Variants in SLCO6A1 observed in about 807,000 individuals in gnomAD.
SLCO6A1 encodes the protein solute carrier organic anion transporter family member 6A1.
SLCO6A1 carries 65 observed loss-of-function variants against 72.7 expected under a neutral mutation model. The observed-to-expected ratio is 0.89, with a 90% CI of 0.73 to 1.10. The LOEUF (loss-of-function observed/expected upper bound fraction) is 1.10, where lower values mean the gene tolerates loss of function less well. Ranked by LOEUF, SLCO6A1 falls within the 50% of genes least tolerant of loss-of-function variation. The probability of loss-of-function intolerance (pLI) is 0.00; values close to 1 mark genes in which losing one functional copy is unlikely to be tolerated. For synonymous variants in SLCO6A1, 314 were observed against 298.2 expected (o/e 1.05, Z -0.55); for missense variants, 874 against 872.6 (o/e 1.00, Z -0.02).
chr5:102,443,416 C>T (rs1749948631), intron 6 of SLCO6A1, among the ~76,000 whole-genome samples: 1 of 152,042 alleles, frequency 6.6e-6, no homozygotes, highest in South Asian at 2.1e-4. Flanking sequence ...GTTTGAGTTT[C>T]CCACTCTTCC....
At chr5:102,376,403 G>T (rs1311985170) in intron 12 of SLCO6A1, among the ~76,000 whole-genome samples, 1 of 151,902 alleles carries the variant, frequency 6.6e-6, no homozygotes, top group Non-Finnish European at 1.5e-5. Context: ...TAATATTAAA[G>T]ACAAGATAGA....
chr5:102,428,711 T>C (rs1471261973), intron 7 of SLCO6A1, among the ~76,000 whole-genome samples: 1 of 152,200 alleles, frequency 6.6e-6, no homozygotes, highest in Non-Finnish European at 1.5e-5. Context: ...TATAGGTTCT[T>C]ATTTAGCTTC....
At chr5:102,454,061 T>C (rs778414852) in intron 6 of SLCO6A1, among the ~76,000 whole-genome samples, 5 of 152,196 alleles carry the variant, frequency 3.3e-5, no homozygotes, top group Non-Finnish European at 7.3e-5. Context: ...ATATATCTTT[T>C]ACATTTTTGG....
intron 7 of SLCO6A1, among the ~76,000 whole-genome samples, chr5:102,438,153 C>T (rs539686628): frequency 6.6e-6 from 1 of 151,936 alleles, no homozygotes; most frequent in South Asian, 2.1e-4. Context: ...CAATAGTATA[C>T]TCATAAAATA....
At chr5:102,465,269 T>G (rs1002646345) in intron 4 of SLCO6A1, among the ~76,000 whole-genome samples, 1 of 151,866 alleles carries the variant, frequency 6.6e-6, no homozygotes. Context: ...GGCTTAATAA[T>G]AACCCCAGGA....
At chr5:102,429,366 A>C (rs142017599) in intron 7 of SLCO6A1, among the ~76,000 whole-genome samples, 1 of 152,248 alleles carries the variant, frequency 6.6e-6, no homozygotes, top group East Asian at 1.9e-4. Flanking sequence ...TCTACGTCCT[A>C]AAATCTTTGC....
chr5:102,456,873 A>G (rs1311719602), intron 6 of SLCO6A1, among the ~76,000 whole-genome samples: 1 of 152,226 alleles, frequency 6.6e-6, no homozygotes, highest in Non-Finnish European at 1.5e-5. Flanking sequence ...CTACAGTACC[A>G]AAACAGCATG....
In SLCO6A1 at chr5:102,466,485, A is replaced by G. The variant is rs554704633; in HGVS notation, c.900-6708T>C. Among the ~76,000 whole-genome samples, 57 of 152,164 alleles carry G rather than the reference A, an allele frequency of 3.7e-4. 1 individual carries two copies. The highest frequency in any genetic ancestry group is 5.8e-4 in the East Asian group (3 of 5,174). On this transcript the variant is annotated intron_variant, in intron 4 of 13. Coordinates refer to ENST00000506729, the MANE Select transcript of SLCO6A1 (RefSeq NM_173488.5). ...TATTGTGAATAATGCTGCAATGATCATATGTGTGCATGTGTCTTTATAACT... is the reference window on the plus strand; with the variant it reads ...TATTGTGAATAATGCTGCAATGATCGTATGTGTGCATGTGTCTTTATAACT...
chr5:102,429,321 G>A (rs1030779866), intron 7 of SLCO6A1, among the ~76,000 whole-genome samples: 1 of 152,112 alleles, frequency 6.6e-6, no homozygotes, highest in African/African-American at 2.4e-5. Context: ...GATCCCATTT[G>A]TAAACTTTTA....
At chr5:102,454,403 A>G (rs1336989679) in intron 6 of SLCO6A1, among the ~76,000 whole-genome samples, 1 of 152,256 alleles carries the variant, frequency 6.6e-6, no homozygotes, top group Non-Finnish European at 1.5e-5. Context: ...CAGAGTTTCA[A>G]AATAGTTGTT....
intron 7 of SLCO6A1, among the ~76,000 whole-genome samples, chr5:102,424,517 C>T (rs953101618): frequency 1.3e-5 from 2 of 152,102 alleles, no homozygotes; most frequent in African/African-American, 2.4e-5. Context: ...AGTAGAAAAT[C>T]GAGAATAAAC....
rs889436160 is a variant in SLCO6A1 at position 102,463,677 on chromosome 5, G to A, written c.900-3900C>T. 2.6e-5 allele frequency among the ~76,000 whole-genome samples: 4 copies of A among 151,908 alleles called. 1 individual carries two copies. Among genetic ancestry groups the A allele is most frequent in the Admixed American group, 6.6e-5 (1 of 15,258 alleles). ...CGAGGCGGGGGGATCACCTGAGCTC[G>A]GGAGTTCAAGACCAGCCTGACCAAA... On this transcript the variant is annotated intron_variant, in intron 4 of 13. Transcript: ENST00000506729.
At chr5:102,425,413 T>C (rs911587379) in intron 7 of SLCO6A1, among the ~76,000 whole-genome samples, 1 of 152,100 alleles carries the variant, frequency 6.6e-6, no homozygotes, top group Non-Finnish European at 1.5e-5. Flanking sequence ...ATAAGAAACT[T>C]TGGCAAAGTC....
chr5:102,494,382 T>C (rs1752817945), intron 1 of SLCO6A1, among the ~76,000 whole-genome samples: 2 of 152,170 alleles, frequency 1.3e-5, no homozygotes, highest in Non-Finnish European at 2.9e-5. Flanking sequence ...ATAGTTTCTA[T>C]GATAGAAGCC....
chr5:102,428,155 C>G (rs1580408036), intron 7 of SLCO6A1, among the ~76,000 whole-genome samples: 1 of 151,524 alleles, frequency 6.6e-6, no homozygotes, highest in East Asian at 1.9e-4. Flanking sequence ...AGGCATGAAC[C>G]ACCATATCTG....
At chr5:102,459,991 G>T (rs1309438201) in intron 4 of SLCO6A1, among the ~76,000 whole-genome samples, 2 of 152,084 alleles carry the variant, frequency 1.3e-5, no homozygotes, top group Non-Finnish European at 2.9e-5. Context: ...TGTCTTACAG[G>T]ATTCTAATAT....
chr5:102,429,785 G>A (rs1182136544), intron 7 of SLCO6A1, among the ~76,000 whole-genome samples: 3 of 151,342 alleles, frequency 2.0e-5, no homozygotes, highest in Admixed American at 1.3e-4. Flanking sequence ...TTGGCTATTC[G>A]AGCTCTTTTT....
chr5:102,387,584 T>C (rs1442260622), intron 12 of SLCO6A1, among the ~76,000 whole-genome samples: 2 of 152,216 alleles, frequency 1.3e-5, no homozygotes, highest in African/African-American at 4.8e-5. Flanking sequence ...TTTTACTCAG[T>C]TTCCAGTGTA....
intron 9 of SLCO6A1, among the ~76,000 whole-genome samples, chr5:102,404,891 T>C (rs1747591416): frequency 6.6e-6 from 1 of 152,160 alleles, no homozygotes; most frequent in Non-Finnish European, 1.5e-5. Context: ...AAGTTCTACA[T>C]TTGATGAAAC....
Sources: gnomAD v4.1 joint callset for allele counts (sites outside exome capture counted in the v4.1 genomes callset) on GRCh38, gnomAD v4.1.1 for gene constraint, MANE v1.5 for transcripts, NCBI Gene and HGNC (gene_info 2026-07-23, HGNC 2026-07-21) for gene names.